The following CNTN2 variants were observed in gnomAD, a reference collection of about 807,000 sequenced individuals.
CNTN2 encodes contactin 2.
Under a neutral mutation model 117.5 loss-of-function variants are expected in CNTN2, and 53 were observed. The observed-to-expected ratio is 0.45, with a 90% CI of 0.36 to 0.57. CNTN2 has a LOEUF of 0.57. Ranked by LOEUF, CNTN2 falls within the 20% of genes least tolerant of loss-of-function variation. The probability of loss-of-function intolerance (pLI) is 0.00; values close to 1 mark genes in which losing one functional copy is unlikely to be tolerated. For missense variants in CNTN2, 1,106 were observed against 1,404.3 expected, an observed-to-expected ratio of 0.79 and a Z score of 3.39; for synonymous variants, 530 against 561.7, an observed-to-expected ratio of 0.94 and a Z score of 0.80.
intron 15 of CNTN2, among the ~76,000 whole-genome samples, chr1:205,066,884 C>G (rs1298760707): frequency 2.0e-5 from 3 of 150,362 alleles, no homozygotes; most frequent in Non-Finnish European, 4.4e-5. Flanking sequence ...TTCATGGGGA[C>G]ATAGGGGCGT....
In CNTN2 at chr1:205,058,013, G is replaced by A. The variant is rs771113073; in HGVS notation, c.163G>A (p.Glu55Lys). ...GCTATTCCCAGAGGAGTCCACGGAG[G>A]AGCAGGTGTTGCTGGCATGCCGCGC... ...SVLFPEESTE[E>K]QVLLACRARA... Residue 55 changes from glutamate (E) to lysine (K), a missense_variant, in exon 3 of 23, where the codon GAG becomes AAG. Glu to Lys is a moderately conservative substitution (Grantham distance 56). Coordinates refer to ENST00000331830, the MANE Select transcript of CNTN2 (RefSeq NM_005076.5). The surrounding 1 kb of genome is among the most constrained non-coding windows in gnomAD (Gnocchi z 4.3). The A allele has an allele frequency of 2.5e-6, 4 of 1,614,098 alleles. No homozygotes were observed. The African/African-American group carries it at 4.0e-5, about 16-fold the overall frequency.
rs939264461 is a variant in CNTN2, at chr1:205,048,341, C to T, written c.-86-4759C>T. 6.6e-6 allele frequency among the ~76,000 whole-genome samples: 1 copy of T among 152,144 alleles called. No homozygotes were observed. The highest frequency in any genetic ancestry group is 2.4e-5 in the African/African-American group (1 of 41,414). ...AGAAAACCTTGTCGTGTGTTGGAGC[C>T]CCACTCATAGCCTTCTGTCCCCCAG... On this transcript the variant is annotated intron_variant, in intron 1 of 22. Transcript: ENST00000331830. This position sits in a 1 kb window ranked among gnomAD's most constrained non-coding sequence, Gnocchi z 4.1.
intron 2 of CNTN2, 129 bp from the exon 3 acceptor site, chr1:205,057,792 C>T: frequency 2.7e-6 from 3 of 1,113,178 alleles, no homozygotes; most frequent in Non-Finnish European, 3.8e-6. Context: ...TAGTGGTTAC[C>T]ACATTGAACA....
chr1:205,044,428 C>T (rs1428245593), intron 1 of CNTN2, among the ~76,000 whole-genome samples: 1 of 150,998 alleles, frequency 6.6e-6, no homozygotes, highest in African/African-American at 2.5e-5. Flanking sequence ...ACCCTCTAGC[C>T]CCAGACCCCT....
At position 205,059,523 on chromosome 1, in the gene CNTN2, G is replaced by A. The variant is rs192650459; in HGVS notation, c.698-60G>A. 1.4e-5 allele frequency: 21 copies of A among 1,501,300 alleles called. No individual in the cohort carries two copies. In the East Asian group the frequency reaches 4.7e-4, roughly 34 times the overall value. 93.0% of individuals were successfully genotyped at this position (1,501,300 alleles called of 1,614,324 possible). On this transcript the variant is annotated intron_variant, in intron 6 of 22. Transcript: ENST00000331830. This position sits in a 1 kb window ranked among gnomAD's most constrained non-coding sequence, Gnocchi z 5.6. ...GCTCTGAAAGGTGCTGAGATCCCAT[G>A]CACGGGAGCACCTGACCTGGAGTCA...
At chr1:205,066,986 T>A in intron 15 of CNTN2, 115 bp from the exon 16 acceptor site, 1 of 1,305,300 alleles carries the variant, frequency 7.7e-7, no homozygotes, top group South Asian at 1.5e-5. Context: ...GCTTAGTATA[T>A]GGCAAGTACC....
At chr1:205,045,469 T>C (rs2096439978) in intron 1 of CNTN2, among the ~76,000 whole-genome samples, 1 of 152,160 alleles carries the variant, frequency 6.6e-6, no homozygotes, top group African/African-American at 2.4e-5. Context: ...TAGGAGCATG[T>C]ACATAGACAG....
chr1:205,070,633 G>C, intron 19 of CNTN2, 95 bp downstream of exon 19: 1 of 852,728 alleles, frequency 1.2e-6, no homozygotes, highest in Non-Finnish European at 1.9e-6. Flanking sequence ...TCCTCCTGGC[G>C]TCCCTGGTTC....
At chr1:205,072,796 C>A in intron 21 of CNTN2, 1 of 654,710 alleles carries the variant, frequency 1.5e-6, no homozygotes, top group Non-Finnish European at 2.7e-6. Context: ...CAGATGGTAT[C>A]ACTGCAGAAA....
intron 12 of CNTN2, 135 bp downstream of exon 12, chr1:205,064,885 C>T: frequency 7.3e-7 from 1 of 1,361,454 alleles, no homozygotes; most frequent in Non-Finnish European, 1.0e-6. Flanking sequence ...TGCTTGGGAC[C>T]ACCCCCTGGC....
rs1338098280 is a variant in CNTN2, at chr1:205,073,173, AT to A, written c.2952del (p.Arg985GlyfsTer17). On this transcript the variant is annotated frameshift_variant, in exon 22 of 23. Transcript: ENST00000331830. LOFTEE classifies it high-confidence loss of function. This position sits in a 1 kb window ranked among gnomAD's most constrained non-coding sequence, Gnocchi z 6.3. ...AGACATTGGCCATGCCCTGGTACAAATTCGGACCACAGGGCCCGGAGGGGAT... is the reference window on the plus strand; with the variant it reads ...AGACATTGGCCATGCCCTGGTACAAATCGGACCACAGGGCCCGGAGGGGAT... Reference protein sequence around the residue: ...PEDIGHALVQIRTTGPGGDGI... With the variant: ...PEDIGHALVQXRTTGPGGDGI... The A allele has an allele frequency of 6.2e-7, 1 of 1,614,144 alleles. No individual in the cohort carries two copies. The highest frequency in any genetic ancestry group is 1.1e-5 in the South Asian group (1 of 91,082).
chr1:205,073,149 G>C lies in CNTN2; in HGVS notation c.2926G>C (p.Asp976His), dbSNP rs762564380. 8.7e-6 allele frequency: 14 copies of C among 1,614,070 alleles called. No homozygotes were observed. Among genetic ancestry groups the C allele is most frequent in the Non-Finnish European group, 1.2e-5 (14 of 1,180,034 alleles). ...CTGGATAGAAATCCCAGTGCCTGAA[G>C]ACATTGGCCATGCCCTGGTACAAAT... ...KNWIEIPVPE[D>H]IGHALVQIRT... The change falls in exon 22 of 23, where the codon GAC becomes CAC. Residue 976 changes from aspartate (D) to histidine (H), a missense_variant. Asp to His is a moderately conservative substitution (Grantham distance 81). Coordinates refer to ENST00000331830, the MANE Select transcript of CNTN2 (RefSeq NM_005076.5). The surrounding 1 kb of genome is among the most constrained non-coding windows in gnomAD (Gnocchi z 6.3).
chr1:205,053,310 T>A, intron 2 of CNTN2, 55 bp downstream of exon 2: 6 of 1,432,834 alleles, frequency 4.2e-6, no homozygotes, highest in Non-Finnish European at 4.8e-6. Flanking sequence ...TAGTGTTATA[T>A]CCTTGCTATG....
chr1:205,070,210 C>T, intron 18 of CNTN2, 149 bp downstream of exon 18: 1 of 805,524 alleles, frequency 1.2e-6, no homozygotes, highest in Non-Finnish European at 2.0e-6. Flanking sequence ...GCCTCACTTC[C>T]AGCTCTTGCT....
chr1:205,061,962 A>G lies in CNTN2; in HGVS notation c.1071A>G (p.Thr357=), dbSNP rs1340324829. The change falls in exon 9 of 23, where the codon ACA becomes ACG. Residue 357 remains threonine, a synonymous_variant. Transcript: ENST00000331830. This position sits in a 1 kb window ranked among gnomAD's most constrained non-coding sequence, Gnocchi z 4.8. ...GCAAAGKPRP[T]VRWLRNGEPL... ...CAGCCGCCGGCAAGCCCCGGCCTAC[A>G]GTGCGCTGGCTGCGGAACGGGGAGC... 5.6e-6 allele frequency: 9 copies of G among 1,612,852 alleles called. No homozygotes were observed. The highest frequency in any genetic ancestry group is 2.2e-5 in the East Asian group (1 of 44,838).
rs1013801549 is a variant in CNTN2 at position 205,075,077 on chromosome 1, T to A, written c.*1312T>A. On this transcript the variant is annotated 3_prime_UTR_variant, in exon 23 of 23. Transcript: ENST00000331830. Reference sequence around the variant, plus strand: ...GAGGTGGTCCAGAGAGGGTCTGGGATTCCCAAGGTCACACAGCCCAGAAGA... The same window carrying A: ...GAGGTGGTCCAGAGAGGGTCTGGGAATCCCAAGGTCACACAGCCCAGAAGA... 11 of 395,582 alleles carry A rather than the reference T, an allele frequency of 2.8e-5. No individual in the cohort carries two copies. Among genetic ancestry groups the A allele is most frequent in the African/African-American group, 4.1e-5 (2 of 48,552 alleles). The allele number at this position is 395,582 out of a possible 1,614,324, so 24.5% of individuals were successfully genotyped here.
At chr1:205,043,650 G>C (rs986795995) in intron 1 of CNTN2, among the ~76,000 whole-genome samples, 12 of 152,174 alleles carry the variant, frequency 7.9e-5, no homozygotes, top group African/African-American at 2.7e-4. Context: ...CGAAAAGCTG[G>C]ACCCCAGGAG....
In CNTN2 at chr1:205,067,793, G is replaced by A. The variant is rs150739055; in HGVS notation, c.2125+543G>A. The A allele has an allele frequency of 5.4e-4, 82 of 152,636 alleles. 2 individuals are homozygous for A. In the East Asian group the frequency reaches 0.013, roughly 23 times the overall value. The allele number at this position is 152,636 out of a possible 1,614,324, so 9.5% of individuals were successfully genotyped here. On this transcript the variant is annotated intron_variant, in intron 16 of 22. Transcript: ENST00000331830. ...AATACAAAAATTAGCCAGGCGTGGT[G>A]ACACACACCTGTAAATCCCAGCTAC...
chr1:205,068,991 C>G (rs1654442948), intron 16 of CNTN2: 1 of 147,388 alleles, frequency 6.8e-6, no homozygotes, highest in Non-Finnish European at 1.5e-5. Context: ...ACCCTGGAGC[C>G]CAAAAGTAGT....
Sources: allele counts gnomAD v4.1 joint callset (sites outside exome capture counted in the v4.1 genomes callset), GRCh38; gene constraint gnomAD v4.1.1; non-coding constraint Gnocchi (gnomAD v3.1); transcripts MANE v1.5; gene names NCBI Gene and HGNC (gene_info 2026-07-23, HGNC 2026-07-21).